Variants in LDB3 observed in about 807,000 individuals in gnomAD.
The protein encoded by LDB3 is LIM domain-binding protein 3.
Under a neutral mutation model 69.0 loss-of-function variants are expected in LDB3, and 49 were observed. The ratio of observed to expected loss-of-function variants is 0.71; its 90% confidence interval spans 0.56 to 0.90. LDB3 has a LOEUF of 0.90. Among genes scored for constraint, LDB3 ranks in the 40% least tolerant of loss-of-function variants. The probability of loss-of-function intolerance (pLI) is 0.00; values close to 1 mark genes in which losing one functional copy is unlikely to be tolerated. For missense variants in LDB3, 928 were observed against 974.1 expected, an observed-to-expected ratio of 0.95 and a Z score of 0.63; for synonymous variants, 387 against 396.2, an observed-to-expected ratio of 0.98 and a Z score of 0.28.
rs567910724 is a variant in LDB3 at position 86,713,743 on chromosome 10, A to G, written c.1232-2584A>G. Among the ~76,000 whole-genome samples the G allele has an allele frequency of 1.2e-4, 19 of 152,314 alleles. 2 individuals carry two copies. In the East Asian group the frequency reaches 3.7e-3, roughly 29 times the overall value. On this transcript the variant is annotated intron_variant, in intron 9 of 13. Coordinates refer to ENST00000361373, the MANE Select transcript of LDB3 (RefSeq NM_007078.3). Reference sequence around the variant, plus strand: ...TTTTGATATTCTCTGCAAAGTTGTTAGGGAGGGTGACAATACCTCAAATTT... The same window carrying G: ...TTTTGATATTCTCTGCAAAGTTGTTGGGGAGGGTGACAATACCTCAAATTT...
intron 12 of LDB3, among the ~76,000 whole-genome samples, chr10:86,721,548 G>C (rs2132493451): frequency 6.6e-6 from 1 of 152,300 alleles, no homozygotes; most frequent in South Asian, 2.1e-4. Flanking sequence ...AGAGAAAATA[G>C]ATTGTTTCAG....
chr10:86,685,553 C>A, intron 5 of LDB3: 2 of 888,972 alleles, frequency 2.2e-6, no homozygotes, highest in Non-Finnish European at 3.8e-6. Flanking sequence ...GCTCTCCTCA[C>A]CCATTGCGGT....
intron 7 of LDB3, among the ~76,000 whole-genome samples, chr10:86,700,635 C>T (rs1846223645): frequency 6.6e-6 from 1 of 152,218 alleles, no homozygotes; most frequent in Non-Finnish European, 1.5e-5. Context: ...GTCTTGCTCC[C>T]AGCTCCCACC....
chr10:86,685,730 G>A (rs377425932), intron 5 of LDB3: 49 of 1,613,652 alleles, frequency 3.0e-5, no homozygotes, highest in East Asian at 1.1e-4. Flanking sequence ...ATGTGTGTGC[G>A]CTTGCGTGCC....
At chr10:86,670,755 T>C (rs931010244) in intron 2 of LDB3, among the ~76,000 whole-genome samples, 28 of 152,212 alleles carry the variant, frequency 1.8e-4, no homozygotes, top group African/African-American at 6.3e-4. Context: ...GGGATGGGCA[T>C]GATATGGCCT....
chr10:86,722,427 A>AT (rs1262919420), intron 12 of LDB3, among the ~76,000 whole-genome samples: 4 of 151,462 alleles, frequency 2.6e-5, no homozygotes, highest in Non-Finnish European at 5.9e-5. Context: ...CACCCAGCTA[A>AT]TTTTTTGTAT....
rs374697556 is a variant in LDB3, at chr10:86,690,488, C to G, written c.690-1408C>G. 4.4e-3 allele frequency among the ~76,000 whole-genome samples: 676 copies of G among 152,362 alleles called. 1 individual carries two copies. Among genetic ancestry groups the G allele is most frequent in the Middle Eastern group, 6.8e-3 (2 of 294 alleles). On this transcript the variant is annotated intron_variant, in intron 5 of 13. Transcript: ENST00000361373. ...CCACAGGCTGCCAGTACCTATAGCT[C>G]TCTGGGCCAGGGCAGGGCCTTCAGC... is the stretch of plus-strand genomic sequence containing the variant.
intron 5 of LDB3, among the ~76,000 whole-genome samples, chr10:86,683,297 C>T (rs1845265702): frequency 6.6e-6 from 1 of 152,256 alleles, no homozygotes; most frequent in African/African-American, 2.4e-5. Flanking sequence ...CAGCAACACT[C>T]TCTAAAACAA....
chr10:86,676,567 AAAAAAAAAAAAAGAGAAAG>A (rs1471418257), intron 2 of LDB3, among the ~76,000 whole-genome samples: 17 of 126,910 alleles, frequency 1.3e-4, no homozygotes, highest in African/African-American at 4.0e-4. Flanking sequence ...CCTGTCTCAA[AAAAAAAAAAAAAGAGAAAG>A]AAAAAAAAAA....
intron 5 of LDB3, chr10:86,687,202 A>T: frequency 6.2e-7 from 1 of 1,614,210 alleles, no homozygotes; most frequent in Non-Finnish European, 8.5e-7. Flanking sequence ...GCCCATCAGC[A>T]TGTATTCCCA....
At chr10:86,715,557 T>G (rs1036962204) in intron 9 of LDB3, among the ~76,000 whole-genome samples, 1 of 152,164 alleles carries the variant, frequency 6.6e-6, no homozygotes, top group African/African-American at 2.4e-5. Flanking sequence ...TCTGACTGCC[T>G]GGGCAATCTT....
intron 6 of LDB3, 144 bp downstream of exon 6, chr10:86,692,209 C>T (rs1399291190): frequency 1.0e-6 from 1 of 988,732 alleles, no homozygotes; most frequent in South Asian, 1.6e-5. Context: ...CAGTGGCTGG[C>T]AGGGCTCCTT....
At chr10:86,670,023 A>C (rs1419524624) in intron 2 of LDB3, among the ~76,000 whole-genome samples, 1 of 97,392 alleles carries the variant, frequency 1.0e-5, no homozygotes, top group Non-Finnish European at 2.0e-5. Context: ...CCAGTGGAGG[A>C]GTAATCTTTT....
At position 86,710,604 on chromosome 10, in the gene LDB3, G is replaced by A. The variant is rs529230890; in HGVS notation, c.1231+554G>A. 4.6e-5 allele frequency among the ~76,000 whole-genome samples: 7 copies of A among 152,348 alleles called. No homozygotes were observed. In the East Asian group the frequency reaches 1.4e-3, roughly 29 times the overall value. Reference sequence around the variant, plus strand: ...TCTTCTCTGTGTCATGCCAGTGTGCGAGATTTGGCCGCAGCCATGGGGGTA... The same window carrying A: ...TCTTCTCTGTGTCATGCCAGTGTGCAAGATTTGGCCGCAGCCATGGGGGTA... On this transcript the variant is annotated intron_variant, in intron 9 of 13. Transcript: ENST00000361373.
At position 86,718,715 on chromosome 10, in the gene LDB3, T is replaced by A; in HGVS notation, c.1858-12T>A. 2 of 1,614,164 alleles carry A rather than the reference T, an allele frequency of 1.2e-6. No individual in the cohort carries two copies. Among genetic ancestry groups the A allele is most frequent in the Non-Finnish European group, 1.7e-6 (2 of 1,180,020 alleles). ...TCTCCTTTCTGTCCTGAGCTTAGGC[T>A]CTTTCCCCCAGGAAGTAATGCATGC... is the stretch of plus-strand genomic sequence containing the variant. On this transcript the variant is annotated splice_polypyrimidine_tract_variant and intron_variant, in intron 11 of 13. Transcript: ENST00000361373.
chr10:86,692,688 C>A, intron 7 of LDB3, 117 bp downstream of exon 7: 1 of 978,678 alleles, frequency 1.0e-6, no homozygotes, highest in Non-Finnish European at 1.7e-6. Context: ...TTTGGAAAGC[C>A]TGGCCTGCAA....
At position 86,718,818 on chromosome 10, in the gene LDB3, T is replaced by C; in HGVS notation, c.1949T>C (p.Met650Thr). The change falls in exon 12 of 14, where the codon ATG becomes ACG. Residue 650 changes from methionine to threonine, a missense_variant. Coordinates refer to ENST00000361373, the MANE Select transcript of LDB3 (RefSeq NM_007078.3). ...CCTTTTGGGAACAGCCTCTTCCACA[T>C]GGAAGACGGGGAGCCCTACTGCGAG... ...KKPFGNSLFH[M>T]EDGEPYCEKD... 1 of 1,614,168 alleles carries C rather than the reference T, an allele frequency of 6.2e-7. No homozygotes were observed.
intron 2 of LDB3, among the ~76,000 whole-genome samples, chr10:86,676,230 G>T (rs944771528): frequency 6.6e-6 from 1 of 152,184 alleles, no homozygotes; most frequent in Non-Finnish European, 1.5e-5. Flanking sequence ...CCAGGGCAGG[G>T]GAAGGGGCGC....
rs1847565753 is a variant in LDB3, at chr10:86,734,520, T to C, written c.*1544T>C. ...TCACTCTATTCTGTCCTCACTCCTG[T>C]TTTGGATTTTTCTCTTTGCATGTTT... is the stretch of plus-strand genomic sequence containing the variant. On this transcript the variant is annotated 3_prime_UTR_variant, in exon 14 of 14. Coordinates refer to ENST00000361373, the MANE Select transcript of LDB3 (RefSeq NM_007078.3). 6.6e-6 allele frequency: 1 copy of C among 152,232 alleles called. No individual in the cohort carries two copies. The highest frequency in any genetic ancestry group is 1.5e-5 in the Non-Finnish European group (1 of 68,052). The allele number at this position is 152,232 out of a possible 1,614,324, so 9.4% of individuals were successfully genotyped here. A position where few individuals can be genotyped will look rare whatever the true frequency, so the allele number is the denominator to read the frequency against.
Sources: allele counts gnomAD v4.1 joint callset (sites outside exome capture counted in the v4.1 genomes callset), GRCh38; gene constraint gnomAD v4.1.1; transcripts MANE v1.5; gene names NCBI Gene and HGNC (gene_info 2026-07-23, HGNC 2026-07-21).